The following JAKMIP2 variants were observed in gnomAD, a reference collection of about 807,000 sequenced individuals.
JAKMIP2 encodes the protein janus kinase and microtubule interacting protein 2.
Under a neutral mutation model 115.0 loss-of-function variants are expected in JAKMIP2, and 25 were observed. The ratio of observed to expected loss-of-function variants is 0.22; its 90% CI spans 0.16 to 0.30. The LOEUF (loss-of-function observed/expected upper bound fraction) is 0.30, where lower values mean the gene tolerates loss of function less well. JAKMIP2 is among the 10% of genes least tolerant of loss of function. The pLI is 1.00. For missense variants in JAKMIP2, 642 were observed against 957.6 expected, an observed-to-expected ratio of 0.67 and a Z score of 4.35; for synonymous variants, 334 against 343.6, an observed-to-expected ratio of 0.97 and a Z score of 0.31.
In JAKMIP2 at chr5:147,644,097, C is replaced by T. The variant is rs192531582; in HGVS notation, c.1185G>A (p.Gln395=). The stretch of plus-strand genomic sequence containing the variant: ...CAATAATGTTCTGTTGCTCAATGAC[C>T]TGAAGTTTTAGAAACTCTGTTTCTT... ...EEQETEFLKL[Q]VIEQQNIIDE... Residue 395 remains glutamine (Q), a synonymous_variant, in exon 7 of 22, where the codon CAG becomes CAA. Coordinates refer to ENST00000616793, the MANE Select transcript of JAKMIP2 (RefSeq NM_001270941.2). 1.2e-5 allele frequency: 20 copies of T among 1,607,194 alleles called. No homozygotes were observed. The African/African-American group carries it at 2.4e-4, about 19-fold the overall frequency.
At chr5:147,707,392 G>A (rs1268826714) in intron 1 of JAKMIP2, among the ~76,000 whole-genome samples, 2 of 151,968 alleles carry the variant, frequency 1.3e-5, no homozygotes, top group African/African-American at 4.8e-5. Context: ...TAAAAGTTGC[G>A]GTATGTCAGT....
intron 1 of JAKMIP2, among the ~76,000 whole-genome samples, chr5:147,700,554 T>A (rs71580449): frequency 2.0e-5 from 3 of 152,246 alleles, no homozygotes; most frequent in African/African-American, 7.2e-5. Context: ...ATACTAATAT[T>A]TGAGGAGATA....
chr5:147,676,805 A>G (rs1301012526), intron 1 of JAKMIP2, among the ~76,000 whole-genome samples: 1 of 152,218 alleles, frequency 6.6e-6, no homozygotes, highest in Non-Finnish European at 1.5e-5. Context: ...GGAGGAATGG[A>G]TCATTAGTGA....
intron 10 of JAKMIP2, 63 bp downstream of exon 10, chr5:147,639,569 C>A: frequency 6.5e-7 from 1 of 1,529,422 alleles, no homozygotes; most frequent in Non-Finnish European, 8.8e-7. Context: ...TTTATGTCCA[C>A]AGTGCTTTTA....
rs1758975727 is a variant in JAKMIP2, at chr5:147,661,552, C to T, written c.130-107G>A. On this transcript the variant is annotated intron_variant, in intron 2 of 21. Transcript: ENST00000616793. Reference sequence around the variant, plus strand: ...CCGCTGTGATCTCTTAATTCCTCATCTCTTTTCCAATTCCAGGCCCTCTGA... The same window carrying T: ...CCGCTGTGATCTCTTAATTCCTCATTTCTTTTCCAATTCCAGGCCCTCTGA... 3.4e-6 allele frequency: 4 copies of T among 1,185,860 alleles called. No homozygotes were observed. The South Asian group carries it at 6.1e-5, about 18-fold the overall frequency. The allele number at this position is 1,185,860 out of a possible 1,614,324, so 73.5% of individuals were successfully genotyped here.
intron 21 of JAKMIP2, among the ~76,000 whole-genome samples, chr5:147,593,632 C>T (rs1490056177): frequency 6.6e-6 from 1 of 152,078 alleles, no homozygotes; most frequent in African/African-American, 2.4e-5. Flanking sequence ...TTTAAACTGG[C>T]TTAAGACTTT....
At chr5:147,637,905 AT>A (rs894510664) in intron 10 of JAKMIP2, among the ~76,000 whole-genome samples, 1 of 151,978 alleles carries the variant, frequency 6.6e-6, no homozygotes, top group African/African-American at 2.4e-5. Flanking sequence ...CTGTAAACCC[AT>A]TTTTTTGTTG....
At position 147,640,735 on chromosome 5, in the gene JAKMIP2, G is replaced by A; in HGVS notation, c.1370C>T (p.Thr457Ile). The change falls in exon 9 of 22, where the codon ACA becomes ATA. Residue 457 changes from threonine to isoleucine, a missense_variant. Thr to Ile is a moderately conservative substitution (Grantham distance 89). This residue lies in a region of JAKMIP2 where 439 missense variants were observed against 570.9 expected (regional missense o/e 0.77). Transcript: ENST00000616793. The stretch of plus-strand genomic sequence containing the variant: ...CAAGTCATCATCAGGAGTAGCTGGT[G>A]TTCTGTCTGTTCTAAATGAGGCCAT... ...SSMASFRTDRTPATPDDDLDE... is the reference protein window; with the variant it reads ...SSMASFRTDRIPATPDDDLDE... 2 of 1,613,744 alleles carry A rather than the reference G, an allele frequency of 1.2e-6. No individual in the cohort carries two copies. The highest frequency in any genetic ancestry group is 2.2e-5 in the East Asian group (1 of 44,826).
At position 147,585,528 on chromosome 5, in the gene JAKMIP2, A is replaced by T. The variant is rs979923598; in HGVS notation, c.*6179T>A. 5 of 152,364 alleles carry T rather than the reference A, an allele frequency of 3.3e-5. No homozygotes were observed. In the East Asian group the frequency reaches 9.6e-4, roughly 29 times the overall value. 9.4% of individuals were successfully genotyped at this position (152,364 alleles called of 1,614,324 possible). A position where few individuals can be genotyped will look rare whatever the true frequency, so the allele number is the denominator to read the frequency against. ...TATTAAATACATAAATTATAAAATA[A>T]CCATTCATAAAACTTTACATACAGT... is the stretch of plus-strand genomic sequence containing the variant. On this transcript the variant is annotated 3_prime_UTR_variant, in exon 22 of 22. Transcript: ENST00000616793.
chr5:147,667,447 TC>T (rs1015524790), intron 2 of JAKMIP2, among the ~76,000 whole-genome samples: 7 of 152,160 alleles, frequency 4.6e-5, no homozygotes, highest in Admixed American at 2.0e-4. Flanking sequence ...GATTTGAGCT[TC>T]AAAAGTGATC....
chr5:147,605,904 T>C (rs1045576951), intron 20 of JAKMIP2, among the ~76,000 whole-genome samples: 1 of 152,232 alleles, frequency 6.6e-6, no homozygotes, highest in Non-Finnish European at 1.5e-5. Flanking sequence ...TATCTCATTG[T>C]GGTTTTAATT....
At chr5:147,652,384 G>T (rs1758441760) in intron 3 of JAKMIP2, among the ~76,000 whole-genome samples, 1 of 152,156 alleles carries the variant, frequency 6.6e-6, no homozygotes, top group Non-Finnish European at 1.5e-5. Context: ...TTAGCATTGA[G>T]AAAGCTTTAT....
intron 3 of JAKMIP2, among the ~76,000 whole-genome samples, chr5:147,653,378 G>A (rs992538290): frequency 6.6e-6 from 1 of 152,024 alleles, no homozygotes; most frequent in African/African-American, 2.4e-5. Flanking sequence ...ACCTACTGTT[G>A]CTTGACTTTT....
At chr5:147,774,265 T>A (rs1755471758) in intron 1 of JAKMIP2, among the ~76,000 whole-genome samples, 1 of 152,102 alleles carries the variant, frequency 6.6e-6, no homozygotes, top group African/African-American at 2.4e-5. Flanking sequence ...CCCCTGTAAT[T>A]CCAGAGTACC....
At chr5:147,695,096 A>ATGCCT (rs1274416360) in intron 1 of JAKMIP2, among the ~76,000 whole-genome samples, 8 of 152,330 alleles carry the variant, frequency 5.3e-5, no homozygotes, top group African/African-American at 1.7e-4. Context: ...ATTTATGATC[A>ATGCCT]AGCTAGACTC....
chr5:147,684,993 T>C lies in JAKMIP2; in HGVS notation c.-148-13039A>G, dbSNP rs55765150. Reference sequence around the variant, plus strand: ...TCTTTAGAGAGCACTTAGTGTGTGCTGACCACTGTACAATGCAGCAATTTT... The same window carrying C: ...TCTTTAGAGAGCACTTAGTGTGTGCCGACCACTGTACAATGCAGCAATTTT... On this transcript the variant is annotated intron_variant, in intron 1 of 21. Coordinates refer to ENST00000616793, the MANE Select transcript of JAKMIP2 (RefSeq NM_001270941.2). 7.8e-3 allele frequency among the ~76,000 whole-genome samples: 1,191 copies of C among 152,330 alleles called. 20 individuals carry two copies. Among genetic ancestry groups the C allele is most frequent in the African/African-American group, 0.028 (1,150 of 41,570 alleles).
intron 21 of JAKMIP2, 146 bp downstream of exon 21, chr5:147,601,593 ACT>A (rs1218547150): frequency 2.2e-5 from 11 of 492,192 alleles, no homozygotes; most frequent in Non-Finnish European, 3.6e-6. Context: ...ACAGAACAAG[ACT>A]CTGTCTCAAA....
intron 1 of JAKMIP2, among the ~76,000 whole-genome samples, chr5:147,676,056 G>T (rs899648844): frequency 2.0e-5 from 3 of 152,108 alleles, no homozygotes; most frequent in Non-Finnish European, 2.9e-5. Context: ...TGCCTGGACC[G>T]GGTGCGGTGG....
At chr5:147,641,363 A>G (rs1004744652) in intron 8 of JAKMIP2, among the ~76,000 whole-genome samples, 6 of 152,310 alleles carry the variant, frequency 3.9e-5, no homozygotes, top group Non-Finnish European at 8.8e-5. Flanking sequence ...AATAATGAAA[A>G]TGTATTAATT....
Sources: allele counts gnomAD v4.1 joint callset (sites outside exome capture counted in the v4.1 genomes callset), GRCh38; gene constraint gnomAD v4.1.1; regional missense constraint gnomAD v4.1.1; transcripts MANE v1.5; gene names NCBI Gene and HGNC (gene_info 2026-07-23, HGNC 2026-07-21).